The following TLL1 variants were observed in gnomAD, a reference collection of about 807,000 sequenced individuals.
The protein encoded by TLL1 is tolloid like 1, also known as tolloid-like protein 1.
TLL1 carries 49 observed loss-of-function variants against 128.2 expected under a neutral mutation model. That is an observed-to-expected ratio of 0.38 (90% confidence interval 0.30 to 0.48). The LOEUF (loss-of-function observed/expected upper bound fraction) is 0.48, where lower values mean the gene tolerates loss of function less well. TLL1 is among the 20% of genes least tolerant of loss of function. The pLI is 0.96. For synonymous variants in TLL1, 454 were observed against 418.8 expected, an observed-to-expected ratio of 1.08 and a Z score of -1.03; for missense variants, 1,123 against 1,242.0, an observed-to-expected ratio of 0.90 and a Z score of 1.44.
chr4:165,973,400 A>G (rs529699595), intron 1 of TLL1, among the ~76,000 whole-genome samples: 2 of 151,904 alleles, frequency 1.3e-5, no homozygotes, highest in South Asian at 4.2e-4. Context: ...ATCTTATACA[A>G]CTTCATGTTC....
chr4:166,039,041 C>T, intron 9 of TLL1, among the ~76,000 whole-genome samples: 1 of 152,104 alleles, frequency 6.6e-6, no homozygotes, highest in East Asian at 1.9e-4. Context: ...TTTCTGTTTG[C>T]TTTACAATTG....
chr4:166,014,435 G>A lies in TLL1; in HGVS notation c.918-1G>A, dbSNP rs1208388497. 6.2e-7 allele frequency: 1 copy of A among 1,611,822 alleles called. No homozygotes were observed. Among genetic ancestry groups the A allele is most frequent in the South Asian group, 1.1e-5 (1 of 91,046 alleles). ...TGTGGTTTGCTTCTGCTTTTTTTCAGGGGGATGTTTCTGGATACCATTCTC... is the reference window on the plus strand; with the variant it reads ...TGTGGTTTGCTTCTGCTTTTTTTCAAGGGGATGTTTCTGGATACCATTCTC... On this transcript the variant is annotated splice_acceptor_variant, in intron 7 of 20. Transcript: ENST00000061240. LOFTEE classifies it high-confidence loss of function.
intron 2 of TLL1, among the ~76,000 whole-genome samples, chr4:165,992,068 GT>G (rs1435273357): frequency 2.6e-5 from 4 of 151,886 alleles, no homozygotes; most frequent in Non-Finnish European, 5.9e-5. Context: ...CCTTTTCTAG[GT>G]TTTGTTGGTA....
chr4:166,009,882 G>A (rs1737606749), intron 7 of TLL1, among the ~76,000 whole-genome samples: 1 of 151,138 alleles, frequency 6.6e-6, no homozygotes, highest in Non-Finnish European at 1.5e-5. Context: ...CAAGTCAGTA[G>A]TGTTATTTAA....
chr4:166,036,429 A>G lies in TLL1; in HGVS notation c.1159-2910A>G, dbSNP rs1278171026. Among the ~76,000 whole-genome samples, 3 of 152,198 alleles carry G rather than the reference A, an allele frequency of 2.0e-5. No homozygotes were observed. In the East Asian group the frequency reaches 5.8e-4, roughly 29 times the overall value. On this transcript the variant is annotated intron_variant, in intron 9 of 20. Coordinates refer to ENST00000061240, the MANE Select transcript of TLL1 (RefSeq NM_012464.5). Reference sequence around the variant, plus strand: ...TTACTTATACTTACGTCAAAAATAAAATATTTATATAGTTGTGTTTTGTAT... The same window carrying G: ...TTACTTATACTTACGTCAAAAATAAGATATTTATATAGTTGTGTTTTGTAT...
Position 165,987,446 on chromosome 4 carries a change from G to A in TLL1, c.170-1935G>A, listed in dbSNP as rs551046044. On this transcript the variant is annotated intron_variant, in intron 1 of 20. Transcript: ENST00000061240. ...TCTGTACGAAGCTGATTAGAATCTC[G>A]ATTCAATTTCAGGCATCAAAACCAC... Among the ~76,000 whole-genome samples the A allele has an allele frequency of 7.2e-5, 11 of 152,082 alleles. No individual in the cohort carries two copies. The South Asian group carries it at 2.1e-3, about 29-fold the overall frequency.
At chr4:166,029,731 A>T (rs762032492) in intron 9 of TLL1, among the ~76,000 whole-genome samples, 1 of 152,026 alleles carries the variant, frequency 6.6e-6, no homozygotes, top group Non-Finnish European at 1.5e-5. Flanking sequence ...AATTTGAGAA[A>T]CTTCATATGA....
At chr4:166,099,207 A>G in intron 19 of TLL1, 70 bp from the exon 20 acceptor site, 2 of 1,604,946 alleles carry the variant, frequency 1.2e-6, no homozygotes, top group East Asian at 2.2e-5. Context: ...CACTGAAACT[A>G]CACTGAAATT....
rs867864770 is a variant in TLL1, at chr4:166,091,225, G to A, written c.2540G>A (p.Arg847Gln). ...GETEKSPILG[R>Q]LCGNKIPDPL... ...ACAGAAAAGTCACCGATTCTTGGACGACTGTGTGGCAACAAGATACCAGAT... is the reference window on the plus strand; with the variant it reads ...ACAGAAAAGTCACCGATTCTTGGACAACTGTGTGGCAACAAGATACCAGAT... The change falls in exon 19 of 21, where the codon CGA (arginine) becomes CAA (glutamine). Residue 847 changes from arginine (R) to glutamine (Q), a missense_variant. Coordinates refer to ENST00000061240, the MANE Select transcript of TLL1 (RefSeq NM_012464.5). 30 of 1,613,236 alleles carry A rather than the reference G, an allele frequency of 1.9e-5. No homozygotes were observed. The highest frequency in any genetic ancestry group is 2.4e-5 in the Non-Finnish European group (28 of 1,179,508).
At chr4:166,089,643 G>C (rs527907650) in intron 18 of TLL1, among the ~76,000 whole-genome samples, 1 of 152,074 alleles carries the variant, frequency 6.6e-6, no homozygotes, top group African/African-American at 2.4e-5. Flanking sequence ...TCTCTTTCCA[G>C]TGAGATTCTT....
intron 18 of TLL1, among the ~76,000 whole-genome samples, chr4:166,086,186 T>C (rs1209894366): frequency 6.6e-6 from 1 of 152,088 alleles, no homozygotes; most frequent in Non-Finnish European, 1.5e-5. Context: ...TACAGTATGA[T>C]TATTTAAATA....
intron 9 of TLL1, 104 bp from the exon 10 acceptor site, chr4:166,039,235 A>G (rs1422827315): frequency 1.3e-6 from 1 of 758,676 alleles, no homozygotes; most frequent in South Asian, 1.5e-5. Flanking sequence ...TTAGCTGCAC[A>G]TGCATTTTTA....
intron 9 of TLL1, among the ~76,000 whole-genome samples, chr4:166,031,813 A>G (rs1366032044): frequency 1.3e-5 from 2 of 152,202 alleles, no homozygotes; most frequent in African/African-American, 2.4e-5. Context: ...GTATAATGAT[A>G]AACAATTGAA....
At chr4:165,890,604 T>G (rs1731356001) in intron 1 of TLL1, among the ~76,000 whole-genome samples, 1 of 152,228 alleles carries the variant, frequency 6.6e-6, no homozygotes, top group Admixed American at 6.5e-5. Context: ...ATGATCTCCT[T>G]TGACTACCTG....
rs1742373591 is a variant in TLL1 at position 166,103,360 on chromosome 4, T to C, written c.*2484T>C. ...AGCTATCTTTAAGAATCAGAATTAG[T>C]ACTAGAAATTTAAAAAACCCTATAG... On this transcript the variant is annotated 3_prime_UTR_variant, in exon 21 of 21. Transcript: ENST00000061240. The C allele has an allele frequency of 6.6e-6, 1 of 151,820 alleles. No individual in the cohort carries two copies. The highest frequency in any genetic ancestry group is 2.4e-5 in the African/African-American group (1 of 41,392). The allele number at this position is 151,820 out of a possible 1,614,324, so 9.4% of individuals were successfully genotyped here. A position where few individuals can be genotyped will look rare whatever the true frequency, so the allele number is the denominator to read the frequency against.
At chr4:165,890,802 C>G (rs989705009) in intron 1 of TLL1, among the ~76,000 whole-genome samples, 1 of 152,178 alleles carries the variant, frequency 6.6e-6, no homozygotes, top group African/African-American at 2.4e-5. Flanking sequence ...TCTGGGGACT[C>G]TCTTCTCACA....
At chr4:166,047,463 C>A (rs903269967) in intron 12 of TLL1, among the ~76,000 whole-genome samples, 5 of 149,342 alleles carry the variant, frequency 3.3e-5, no homozygotes, top group Admixed American at 6.7e-5. Flanking sequence ...CGCACCTGGC[C>A]TCATTTATTA....
At position 165,972,844 on chromosome 4, in the gene TLL1, ACTT is replaced by A. The variant is rs1208736730; in HGVS notation, c.170-16533_170-16531del. The stretch of plus-strand genomic sequence containing the variant: ...GCCTTCAGAGGAACATCAAGTCTGA[ACTT>A]CTTAGTGATGTTTTTCCTTTCACCA... On this transcript the variant is annotated intron_variant, in intron 1 of 20. Coordinates refer to ENST00000061240, the MANE Select transcript of TLL1 (RefSeq NM_012464.5). 7.2e-5 allele frequency among the ~76,000 whole-genome samples: 11 copies of A among 152,270 alleles called. No individual in the cohort carries two copies. The East Asian group carries it at 2.1e-3, about 30-fold the overall frequency.
At chr4:165,942,211 G>A (rs1354540240) in intron 1 of TLL1, among the ~76,000 whole-genome samples, 2 of 151,438 alleles carry the variant, frequency 1.3e-5, no homozygotes, top group Non-Finnish European at 2.9e-5. Flanking sequence ...TGGAATAAGT[G>A]AGCCATTTTA....
Sources: gnomAD v4.1 joint callset for allele counts (sites outside exome capture counted in the v4.1 genomes callset) on GRCh38, gnomAD v4.1.1 for gene constraint, MANE v1.5 for transcripts, NCBI Gene and HGNC (gene_info 2026-07-23, HGNC 2026-07-21) for gene names.